The following SCGB1D2 variants were observed in gnomAD, a reference collection of about 807,000 sequenced individuals.
SCGB1D2 encodes lipophilin-B.
SCGB1D2 carries 10 observed loss-of-function variants against 10.5 expected under a neutral mutation model. The ratio of observed to expected loss-of-function variants is 0.95; its 90% CI spans 0.59 to 1.61. The LOEUF is 1.61. SCGB1D2 is among the 40% of genes most tolerant of loss of function. The pLI is 0.00. For missense variants in SCGB1D2, 113 were observed against 103.8 expected (o/e 1.09, Z -0.38); for synonymous variants, 42 against 42.8 (o/e 0.98, Z 0.08).
intron 1 of SCGB1D2, 41 bp from the exon 2 acceptor site, chr11:62,243,248 A>G: frequency 6.4e-7 from 1 of 1,566,018 alleles, no homozygotes; most frequent in Non-Finnish European, 8.7e-7. Context: ...AGAAAAATCG[A>G]CTTTCCTAAC....
intron 2 of SCGB1D2, among the ~76,000 whole-genome samples, chr11:62,243,728 C>T (rs1365153251): frequency 6.6e-6 from 1 of 152,110 alleles, no homozygotes; most frequent in Non-Finnish European, 1.5e-5. Context: ...CCAGAGTGTG[C>T]TGAGGACATG....
In SCGB1D2 at chr11:62,244,801, G is replaced by T; in HGVS notation, c.*102G>T. On this transcript the variant is annotated 3_prime_UTR_variant, in exon 3 of 3. Coordinates refer to ENST00000244926, the MANE Select transcript of SCGB1D2 (RefSeq NM_006551.4). ...AACGTCTTGCTTTAATAAATCACTT[G>T]CTCTCCACGTCTCCACTGGTCTTGT... is the stretch of plus-strand genomic sequence containing the variant. 2.0e-6 allele frequency: 2 copies of T among 1,014,438 alleles called. No individual in the cohort carries two copies. Among genetic ancestry groups the T allele is most frequent in the Non-Finnish European group, 3.1e-6 (2 of 650,764 alleles). 62.8% of individuals were successfully genotyped at this position (1,014,438 alleles called of 1,614,324 possible). A position where few individuals can be genotyped will look rare whatever the true frequency, so the allele number is the denominator to read the frequency against.
At chr11:62,242,795 G>A (rs1945074361) in intron 1 of SCGB1D2, among the ~76,000 whole-genome samples, 1 of 152,244 alleles carries the variant, frequency 6.6e-6, no homozygotes, top group Non-Finnish European at 1.5e-5. Flanking sequence ...TGTCAAAAGA[G>A]TCTAGCTGTG....
chr11:62,243,821 T>A (rs1405903718), intron 2 of SCGB1D2, among the ~76,000 whole-genome samples: 1 of 152,230 alleles, frequency 6.6e-6, no homozygotes, highest in Non-Finnish European at 1.5e-5. Flanking sequence ...GAGACCAAAC[T>A]GCCCTCATGT....
intron 2 of SCGB1D2, among the ~76,000 whole-genome samples, chr11:62,243,846 C>T (rs1431421439): frequency 1.3e-5 from 2 of 152,176 alleles, no homozygotes; most frequent in Non-Finnish European, 2.9e-5. Flanking sequence ...GACACAGTCA[C>T]TGTGGAATGT....
intron 2 of SCGB1D2, 61 bp downstream of exon 2, chr11:62,243,537 T>A: frequency 2.2e-4 from 276 of 1,270,716 alleles, no homozygotes; most frequent in Middle Eastern, 4.8e-4. Flanking sequence ...TGAAGTGAGG[T>A]CAGCTTGCTG....
intron 2 of SCGB1D2, 121 bp from the exon 3 acceptor site, chr11:62,244,549 G>C: frequency 1.2e-6 from 1 of 835,158 alleles, no homozygotes; most frequent in Non-Finnish European, 1.9e-6. Flanking sequence ...AAACTGAGTT[G>C]TTGCCTCTGC....
chr11:62,244,013 T>A (rs539619008), intron 2 of SCGB1D2, among the ~76,000 whole-genome samples: 3 of 152,090 alleles, frequency 2.0e-5, no homozygotes, highest in Admixed American at 6.5e-5. Context: ...CATACTCCCC[T>A]CCACACCCAC....
At chr11:62,242,487 CTTGTTG>C in intron 1 of SCGB1D2, 125 bp downstream of exon 1, 3 of 860,536 alleles carry the variant, frequency 3.5e-6, no homozygotes, top group Non-Finnish European at 5.6e-6. Flanking sequence ...TTTTTCTGTG[CTTGTTG>C]AACAAGCCCC....
chr11:62,243,448 A>G lies in SCGB1D2; in HGVS notation c.215A>G (p.Gln72Arg). The change falls in exon 2 of 3, where the codon CAG becomes CGG. Residue 72 changes from glutamine (Q) to arginine (R), a missense_variant. By Grantham distance (43) the Gln-to-Arg change is conservative. Coordinates refer to ENST00000244926, the MANE Select transcript of SCGB1D2 (RefSeq NM_006551.4). ...VKRCTDQMSL[Q>R]KRSLIAEVLV... ...AGATGCACGGATCAGATGTCCCTTC[A>G]GAAACGAAGCCTCATTGCGGAAGTC... 4.3e-6 allele frequency: 7 copies of G among 1,613,472 alleles called. No homozygotes were observed. The highest frequency in any genetic ancestry group is 5.9e-6 in the Non-Finnish European group (7 of 1,179,812).
chr11:62,243,253 C>G (rs1565127694), intron 1 of SCGB1D2, 36 bp from the exon 2 acceptor site: 1 of 1,581,566 alleles, frequency 6.3e-7, no homozygotes, highest in Non-Finnish European at 8.7e-7. Flanking sequence ...AATCGACTTT[C>G]CTAACATCAA....
At chr11:62,242,571 G>C (rs1041759373) in intron 1 of SCGB1D2, among the ~76,000 whole-genome samples, 4 of 152,196 alleles carry the variant, frequency 2.6e-5, no homozygotes, top group African/African-American at 9.7e-5. Flanking sequence ...ATCAGTGCAG[G>C]CAAATATTAG....
chr11:62,244,632 T>C (rs1158728883), intron 2 of SCGB1D2, 38 bp from the exon 3 acceptor site: 1 of 1,603,112 alleles, frequency 6.2e-7, no homozygotes, highest in Admixed American at 1.7e-5. Flanking sequence ...AGCAGCAGCA[T>C]GACTGACCCC....
chr11:62,244,725 C>A lies in SCGB1D2; in HGVS notation c.*26C>A. ...CATGTAAAAACTTTCATCCTGGTTT[C>A]CACTGTCTTTCAATGACACCCTGAT... On this transcript the variant is annotated 3_prime_UTR_variant, in exon 3 of 3. Transcript: ENST00000244926. The A allele has an allele frequency of 1.3e-6, 2 of 1,598,724 alleles. No homozygotes were observed. The highest frequency in any genetic ancestry group is 1.7e-6 in the Non-Finnish European group (2 of 1,166,502).
intron 2 of SCGB1D2, 81 bp downstream of exon 2, chr11:62,243,557 G>A: frequency 8.1e-7 from 1 of 1,231,672 alleles, no homozygotes; most frequent in Non-Finnish European, 1.1e-6. Context: ...GCTCTGTTGG[G>A]GACACAGGTG....
intron 2 of SCGB1D2, among the ~76,000 whole-genome samples, chr11:62,243,789 C>T (rs1294652655): frequency 2.0e-5 from 3 of 152,144 alleles, no homozygotes; most frequent in Non-Finnish European, 4.4e-5. Flanking sequence ...AGCATGGCCG[C>T]CTCGCTGCTG....
At chr11:62,244,648 C>T in intron 2 of SCGB1D2, 22 bp from the exon 3 acceptor site, 2 of 1,611,500 alleles carry the variant, frequency 1.2e-6, no homozygotes, top group Middle Eastern at 1.7e-4. Flanking sequence ...ACCCCACCTT[C>T]TTTTTTCTTT....
chr11:62,243,485 T>G lies in SCGB1D2; in HGVS notation c.243+9T>G. ...TCATTGCGGAAGTCCTGGTAACTTC[T>G]TTCTCCTTTATTTGTTAAGGCTTCT... On this transcript the variant is annotated intron_variant, in intron 2 of 2. Transcript: ENST00000244926. 6.2e-7 allele frequency: 1 copy of G among 1,609,160 alleles called. No homozygotes were observed. Among genetic ancestry groups the G allele is most frequent in the Non-Finnish European group, 8.5e-7 (1 of 1,176,974 alleles).
At chr11:62,243,166 C>T in intron 1 of SCGB1D2, 123 bp from the exon 2 acceptor site, 1 of 714,582 alleles carries the variant, frequency 1.4e-6, no homozygotes. Context: ...CTGGCATTGT[C>T]ATCAGCACAA....
Sources: allele counts gnomAD v4.1 joint callset (sites outside exome capture counted in the v4.1 genomes callset), GRCh38; gene constraint gnomAD v4.1.1; transcripts MANE v1.5; gene names NCBI Gene and HGNC (gene_info 2026-07-23, HGNC 2026-07-21).